VWF: variants seen among roughly 807,000 people sequenced by gnomAD.
VWF encodes von Willebrand factor.
In VWF, 176 loss-of-function variants were observed where a neutral mutation model predicts 308.6. That is an observed-to-expected ratio of 0.57 (90% CI 0.50 to 0.65). The LOEUF (loss-of-function observed/expected upper bound fraction) is 0.65. Ranked by LOEUF, VWF falls within the 30% of genes least tolerant of loss-of-function variation. The pLI, the probability that VWF is intolerant of heterozygous loss-of-function variation, is 0.00. For missense variants in VWF, 3,146 were observed against 3,648.2 expected (o/e 0.86, Z 3.55); for synonymous variants, 1,385 against 1,443.4 (o/e 0.96, Z 0.92).
At chr12:6,108,344 C>T (rs1250102442) in intron 5 of VWF, among the ~76,000 whole-genome samples, 3 of 134,974 alleles carry the variant, frequency 2.2e-5, no homozygotes, top group African/African-American at 1.0e-4. Context: ...TACACACACA[C>T]ACACACACAC....
chr12:5,973,585 G>A (rs929721700), intron 43 of VWF, among the ~76,000 whole-genome samples: 1 of 152,144 alleles, frequency 6.6e-6, no homozygotes, highest in African/African-American at 2.4e-5. Flanking sequence ...CTAACAGGAC[G>A]AGCTCTGGGC....
Position 5,949,102 on chromosome 12 carries a change from G to A in VWF, c.8355C>T (p.Ala2785=), listed in dbSNP as rs1943147200. 1.2e-6 allele frequency: 2 copies of A among 1,614,220 alleles called. No homozygotes were observed. The highest frequency in any genetic ancestry group is 1.1e-5 in the South Asian group (1 of 91,080). ...SPTRTEPMQV[A]LHCTNGSVVY... ...CAACAGAGCCATTGGTGCAGTGCAG[G>A]GCCACCTGCATGGGCTCCGTCCGTG... Residue 2785 remains alanine (A), a synonymous_variant, in exon 52 of 52, where the codon GCC becomes GCT. Transcript: ENST00000261405.
At chr12:6,029,309 T>G in intron 22 of VWF, 33 bp downstream of exon 22, 1 of 1,613,434 alleles carries the variant, frequency 6.2e-7, no homozygotes, top group Non-Finnish European at 8.5e-7. Flanking sequence ...AAAGGCCAAG[T>G]CCCCAACAAG....
intron 6 of VWF, among the ~76,000 whole-genome samples, chr12:6,085,015 A>G (rs1944953066): frequency 6.6e-6 from 1 of 152,170 alleles, no homozygotes; most frequent in African/African-American, 2.4e-5. Context: ...AGAGCTTGAC[A>G]TTCCTCTCTC....
intron 1 of VWF, among the ~76,000 whole-genome samples, chr12:6,123,832 A>C (rs1246553421): frequency 6.6e-6 from 1 of 152,126 alleles, no homozygotes; most frequent in Admixed American, 6.6e-5. Flanking sequence ...ATGCAGGCAG[A>C]CTTCCCCACT....
chr12:6,039,237 A>G (rs1282154191), intron 18 of VWF, among the ~76,000 whole-genome samples: 1 of 152,172 alleles, frequency 6.6e-6, no homozygotes. Flanking sequence ...TCGTCCCATC[A>G]CTCACCAACT....
chr12:5,949,296 C>A, intron 51 of VWF, 93 bp from the exon 52 acceptor site: 3 of 1,365,668 alleles, frequency 2.2e-6, no homozygotes, highest in Non-Finnish European at 3.1e-6. Context: ...TCCCTGACCC[C>A]CTCCAAGCAA....
At chr12:5,971,490 G>A (rs1943473724) in intron 44 of VWF, 109 bp downstream of exon 44, 1 of 888,634 alleles carries the variant, frequency 1.1e-6, no homozygotes, top group Non-Finnish European at 1.9e-6. Context: ...TGGGTGAAAT[G>A]CCCAGTGGGG....
chr12:5,972,816 C>A (rs1943491936), intron 43 of VWF, among the ~76,000 whole-genome samples: 1 of 152,066 alleles, frequency 6.6e-6, no homozygotes, highest in Non-Finnish European at 1.5e-5. Context: ...TGTACACACC[C>A]TCCAAGATAC....
chr12:5,993,143 C>T (rs1265275382), intron 37 of VWF, among the ~76,000 whole-genome samples: 1 of 152,166 alleles, frequency 6.6e-6, no homozygotes, highest in African/African-American at 2.4e-5. Flanking sequence ...GAGGCTCTAA[C>T]AGGCATGTAC....
At chr12:5,976,476 CAG>C (rs1294687135) in intron 42 of VWF, among the ~76,000 whole-genome samples, 1 of 152,138 alleles carries the variant, frequency 6.6e-6, no homozygotes, top group Non-Finnish European at 1.5e-5. Flanking sequence ...ACCAGTCTCT[CAG>C]GGGTGGCCCC....
At chr12:6,018,298 C>T in intron 28 of VWF, 67 bp downstream of exon 28, 1 of 1,549,044 alleles carries the variant, frequency 6.5e-7, no homozygotes. Flanking sequence ...TTGGCAGATG[C>T]ATGTAGCACC....
intron 47 of VWF, among the ~76,000 whole-genome samples, chr12:5,964,270 A>ACATGCATACATACATACATACATACATG (rs1943369077): frequency 7.2e-6 from 1 of 139,066 alleles, no homozygotes; most frequent in African/African-American, 3.1e-5. Flanking sequence ...ATACATACAT[A>ACATGCATACATACATACATACATACATG]CATGCATACA....
chr12:6,086,437 G>T (rs1429735505), intron 6 of VWF, among the ~76,000 whole-genome samples: 1 of 152,130 alleles, frequency 6.6e-6, no homozygotes, highest in Non-Finnish European at 1.5e-5. Flanking sequence ...ACTTCTCTGG[G>T]ATCCTGCATT....
chr12:5,996,277 C>T, intron 34 of VWF, 55 bp from the exon 35 acceptor site: 1 of 1,527,430 alleles, frequency 6.5e-7, no homozygotes, highest in Non-Finnish European at 8.9e-7. Flanking sequence ...CCCATGCCTA[C>T]TACATGCAGA....
chr12:6,019,438 G>A lies in VWF; in HGVS notation c.3980C>T (p.Ala1327Val), dbSNP rs765845488. 2.5e-6 allele frequency: 4 copies of A among 1,613,934 alleles called. No individual in the cohort carries two copies. The highest frequency in any genetic ancestry group is 1.7e-6 in the Non-Finnish European group (2 of 1,179,868). ...AVVEYHDGSHAYIGLKDRKRP... is the reference protein window; with the variant it reads ...AVVEYHDGSHVYIGLKDRKRP... ...CTTCCGGTCCTTGAGCCCGATGTAG[G>A]CGTGGGAGCCGTCGTGGTACTCCAC... Residue 1327 changes from alanine to valine, a missense_variant, in exon 28 of 52, where the codon GCC becomes GTC. Physicochemically the swap from Ala to Val is moderately conservative, Grantham distance 64. Coordinates refer to ENST00000261405, the MANE Select transcript of VWF (RefSeq NM_000552.5). This position sits in a 1 kb window ranked among gnomAD's most constrained non-coding sequence, Gnocchi z 5.8.
chr12:6,121,932 A>G (rs1234591840), intron 2 of VWF, among the ~76,000 whole-genome samples: 1 of 149,042 alleles, frequency 6.7e-6, no homozygotes, highest in Admixed American at 6.7e-5. Context: ...CTCTGTCTCG[A>G]AAAAAAAAAG....
intron 34 of VWF, among the ~76,000 whole-genome samples, chr12:5,996,483 C>T (rs1335578309): frequency 6.6e-6 from 1 of 152,006 alleles, no homozygotes; most frequent in African/African-American, 2.4e-5. Flanking sequence ...ATTATAGAAC[C>T]ACACTTCTAA....
intron 35 of VWF, among the ~76,000 whole-genome samples, chr12:5,995,086 G>A (rs1440945730): frequency 2.0e-5 from 3 of 152,046 alleles, no homozygotes; most frequent in South Asian, 4.2e-4. Flanking sequence ...ATCAGCTATC[G>A]TTAGTGTTAA....
Sources: gnomAD v4.1 joint callset for allele counts (sites outside exome capture counted in the v4.1 genomes callset) on GRCh38, gnomAD v4.1.1 for gene constraint, Gnocchi (gnomAD v3.1) non-coding constraint, MANE v1.5 for transcripts, NCBI Gene and HGNC (gene_info 2026-07-23, HGNC 2026-07-21) for gene names.